The following USH2A variants were observed in gnomAD, a reference collection of about 807,000 sequenced individuals.
USH2A encodes the protein usherin.
In USH2A, 443 loss-of-function variants were observed where a neutral mutation model predicts 538.9. The observed-to-expected ratio is 0.82, with a 90% CI of 0.76 to 0.89. The LOEUF (loss-of-function observed/expected upper bound fraction) is 0.89, where lower values mean the gene tolerates loss of function less well. Among genes scored for constraint, USH2A ranks in the 40% least tolerant of loss-of-function variants. The pLI is 0.00. For missense variants in USH2A, 6,633 were observed against 6,324.8 expected (o/e 1.05, Z -1.65); for synonymous variants, 2,413 against 2,273.5 (o/e 1.06, Z -1.75).
intron 21 of USH2A, among the ~76,000 whole-genome samples, chr1:216,120,626 G>A (rs1317584543): frequency 1.3e-5 from 2 of 151,686 alleles, no homozygotes; most frequent in South Asian, 2.1e-4. Flanking sequence ...TGATCCACCC[G>A]CCTCGGCCTC....
chr1:215,975,141 T>C (rs985831718), intron 35 of USH2A, among the ~76,000 whole-genome samples: 1 of 152,210 alleles, frequency 6.6e-6, no homozygotes, highest in Non-Finnish European at 1.5e-5. Context: ...TTGAGAAGTG[T>C]CTGTTCATGT....
At chr1:215,695,752 T>C (rs1317454965) in intron 61 of USH2A, among the ~76,000 whole-genome samples, 10 of 152,090 alleles carry the variant, frequency 6.6e-5, no homozygotes, top group Non-Finnish European at 1.5e-4. Context: ...TTTGTTTGTT[T>C]GTTTGTTTGT....
At chr1:215,986,958 G>A (rs1217358309) in intron 35 of USH2A, among the ~76,000 whole-genome samples, 25 of 152,110 alleles carry the variant, frequency 1.6e-4, no homozygotes, top group Non-Finnish European at 7.4e-5. Context: ...ATTTTAGGTC[G>A]ATTTACTTAG....
At chr1:215,774,148 A>G (rs1201075236) in intron 55 of USH2A, among the ~76,000 whole-genome samples, 1 of 152,126 alleles carries the variant, frequency 6.6e-6, no homozygotes, top group South Asian at 2.1e-4. Context: ...CTGAACATCA[A>G]AACATCAAAA....
intron 70 of USH2A, among the ~76,000 whole-genome samples, chr1:215,629,742 A>G (rs1316136533): frequency 6.6e-6 from 1 of 151,760 alleles, no homozygotes; most frequent in African/African-American, 2.4e-5. Flanking sequence ...TGGTCCAATC[A>G]ATGAAATGTT....
intron 70 of USH2A, among the ~76,000 whole-genome samples, chr1:215,633,784 C>T (rs1278790499): frequency 2.0e-5 from 3 of 152,138 alleles, no homozygotes; most frequent in Non-Finnish European, 4.4e-5. Context: ...CACCAGACTG[C>T]ACCATGGAAT....
At chr1:216,384,791 G>C (rs1015408000) in intron 3 of USH2A, among the ~76,000 whole-genome samples, 1 of 152,104 alleles carries the variant, frequency 6.6e-6, no homozygotes, top group Non-Finnish European at 1.5e-5. Context: ...TGAAATAAAA[G>C]AAAATGGTTA....
chr1:215,746,662 G>A (rs1660479379), intron 58 of USH2A, among the ~76,000 whole-genome samples: 1 of 152,180 alleles, frequency 6.6e-6, no homozygotes. Flanking sequence ...AATATTAGAA[G>A]TGTTTTGGTC....
At chr1:215,835,920 T>G (rs1046679472) in intron 47 of USH2A, among the ~76,000 whole-genome samples, 4 of 152,164 alleles carry the variant, frequency 2.6e-5, no homozygotes, top group Admixed American at 1.3e-4. Flanking sequence ...TATAATACTC[T>G]TTTTAATGTT....
chr1:216,078,483 A>G, intron 26 of USH2A, 121 bp from the exon 27 acceptor site: 1 of 882,784 alleles, frequency 1.1e-6, no homozygotes, highest in Non-Finnish European at 1.8e-6. Context: ...AGCACTCTAT[A>G]GAAATGTGTC....
intron 62 of USH2A, 143 bp from the exon 63 acceptor site, chr1:215,675,759 A>T: frequency 6.7e-7 from 1 of 1,489,032 alleles, no homozygotes; most frequent in South Asian, 1.2e-5. Flanking sequence ...TTAATTGGGG[A>T]TATGTGATTT....
At chr1:216,383,548 T>C (rs1381500745) in intron 3 of USH2A, among the ~76,000 whole-genome samples, 1 of 152,214 alleles carries the variant, frequency 6.6e-6, no homozygotes, top group Non-Finnish European at 1.5e-5. Flanking sequence ...TCAACAAAAC[T>C]GGAATGTGGG....
intron 51 of USH2A, among the ~76,000 whole-genome samples, chr1:215,788,509 T>TTA: frequency 6.6e-6 from 1 of 150,898 alleles, no homozygotes; most frequent in Non-Finnish European, 1.5e-5. Flanking sequence ...AATTGTAATG[T>TTA]AAAAAAAAAA....
chr1:216,289,348 T>C lies in USH2A; in HGVS notation c.1903A>G (p.Ile635Val), dbSNP rs201808654. 64 of 1,614,002 alleles carry C rather than the reference T, an allele frequency of 4.0e-5. No homozygotes were observed. Among genetic ancestry groups the C allele is most frequent in the African/African-American group, 2.8e-4 (21 of 75,042 alleles). The part of the protein sequence containing the change: ...FRQVGADPSA[I>V]DVCKPCDCDT... ...CAGTCACAGGGTTTGCAAACATCTA[T>C]GGCCGAAGGATCTGCACCAACTTGT... Residue 635 changes from isoleucine to valine, a missense_variant, in exon 11 of 72, where the codon ATA becomes GTA. Transcript: ENST00000307340.
chr1:215,636,252 A>C (rs549301056), intron 69 of USH2A, among the ~76,000 whole-genome samples: 1 of 152,296 alleles, frequency 6.6e-6, no homozygotes, highest in East Asian at 1.9e-4. Context: ...GAAAGACTTA[A>C]AGGAAAAAAG....
chr1:216,322,463 TG>T (rs2037635311), intron 8 of USH2A, among the ~76,000 whole-genome samples: 1 of 151,604 alleles, frequency 6.6e-6, no homozygotes, highest in South Asian at 2.1e-4. Flanking sequence ...AAAAATCAGC[TG>T]GGCATGGTGG....
At chr1:215,998,187 T>C (rs990987710) in intron 34 of USH2A, among the ~76,000 whole-genome samples, 2 of 152,118 alleles carry the variant, frequency 1.3e-5, no homozygotes, top group African/African-American at 4.8e-5. Context: ...GACAATCTCA[T>C]GTTTATATTC....
chr1:215,749,087 G>A (rs1380564509), intron 58 of USH2A, among the ~76,000 whole-genome samples: 1 of 152,126 alleles, frequency 6.6e-6, no homozygotes, highest in Non-Finnish European at 1.5e-5. Context: ...ACTTGGATAT[G>A]ATCAAATTGC....
intron 14 of USH2A, among the ~76,000 whole-genome samples, chr1:216,222,092 G>T (rs765766884): frequency 3.0e-4 from 45 of 152,268 alleles, no homozygotes; most frequent in Non-Finnish European, 4.1e-4. Context: ...ATAGGGTAGA[G>T]TTTAACCAAA....
Sources: allele counts gnomAD v4.1 joint callset (sites outside exome capture counted in the v4.1 genomes callset), GRCh38; gene constraint gnomAD v4.1.1; transcripts MANE v1.5; gene names NCBI Gene and HGNC (gene_info 2026-07-23, HGNC 2026-07-21).